Variants in TENM1 observed in about 807,000 individuals in gnomAD.
The protein encoded by TENM1 is teneurin transmembrane protein 1, also known as teneurin-1.
TENM1 carries 35 observed loss-of-function variants against 174.8 expected under a neutral mutation model. The ratio of observed to expected loss-of-function variants is 0.20; its 90% CI spans 0.15 to 0.27. The LOEUF (loss-of-function observed/expected upper bound fraction) is 0.27. Among genes scored for constraint, TENM1 ranks in the 10% least tolerant of loss-of-function variants. TENM1 has a pLI of 1.00. For missense variants in TENM1, 1,633 were observed against 2,130.1 expected (o/e 0.77, Z 4.59); for synonymous variants, 781 against 798.7 (o/e 0.98, Z 0.37).
At chrX:124,601,983 G>A (rs2050038231) in intron 11 of TENM1, among the ~76,000 whole-genome samples, 1 of 111,187 alleles carries the variant, frequency 9.0e-6, no homozygotes, top group South Asian at 3.8e-4. Flanking sequence ...AACTTCTGAA[G>A]TGTTAGAAAA....
exon 22 of TENM1, chrX:124,481,810 C>A: frequency 1.2e-5 from 15 of 1,204,815 alleles, no homozygotes; most frequent in Admixed American, 2.2e-5. Flanking sequence ...AGGCACTGAT[C>A]ACCAGTTCCT....
chrX:125,076,736 T>C, the TENM1 span, among the ~76,000 whole-genome samples: 2 of 111,897 alleles, frequency 1.8e-5, no homozygotes, highest in Non-Finnish European at 3.8e-5. Flanking sequence ...ATATTCAATC[T>C]TTTTTACCTT....
chrX:124,497,114 G>C (rs1374827867), exon 20 of TENM1: 1 of 1,210,341 alleles, frequency 8.3e-7, no homozygotes, highest in Admixed American at 2.2e-5. Context: ...CAGAAGCTAA[G>C]GCGACAGGAG....
At chrX:124,746,944 T>C (rs1455888783) in intron 3 of TENM1, among the ~76,000 whole-genome samples, 1 of 110,071 alleles carries the variant, frequency 9.1e-6, no homozygotes, top group African/African-American at 3.3e-5. Flanking sequence ...CCTGCCAACA[T>C]AGTGAAACCA....
At chrX:124,422,767 T>A (rs2060669499) in intron 23 of TENM1, 129 bp from the exon 27 acceptor site, 1 of 641,756 alleles carries the variant, frequency 1.6e-6, no homozygotes, top group South Asian at 3.0e-5. Flanking sequence ...ACATTGGTGA[T>A]GTCTCGGAAA....
At chrX:124,602,896 G>C (rs1039529398) in intron 11 of TENM1, among the ~76,000 whole-genome samples, 1 of 111,288 alleles carries the variant, frequency 9.0e-6, no homozygotes, top group Non-Finnish European at 1.9e-5. Flanking sequence ...TTTGAAAAAG[G>C]GTTTTTGCAA....
intron 27 of TENM1, among the ~76,000 whole-genome samples, chrX:124,402,519 A>C (rs2147662172): frequency 8.9e-6 from 1 of 112,542 alleles, no homozygotes; most frequent in South Asian, 3.7e-4. Flanking sequence ...TATGACAATT[A>C]GCTTCTCAGC....
intron 18 of TENM1, among the ~76,000 whole-genome samples, chrX:124,512,638 G>T (rs1279271350): frequency 9.2e-6 from 1 of 109,203 alleles, no homozygotes; most frequent in African/African-American, 3.3e-5. Flanking sequence ...ATTCACTCTG[G>T]TATTATCCCT....
intron 11 of TENM1, among the ~76,000 whole-genome samples, chrX:124,569,320 C>T (rs1602681573): frequency 8.9e-6 from 1 of 111,859 alleles, no homozygotes; most frequent in East Asian, 2.8e-4. Flanking sequence ...AGAGACTTTA[C>T]AGCCCCCCTC....
chrX:125,133,094 C>T, the TENM1 span, among the ~76,000 whole-genome samples: 1 of 111,022 alleles, frequency 9.0e-6, no homozygotes, highest in Non-Finnish European at 1.9e-5. Flanking sequence ...CCCGGGTTCA[C>T]ACCATTCTCC....
At chrX:124,690,454 A>T (rs750450094) in intron 5 of TENM1, among the ~76,000 whole-genome samples, 139 of 108,756 alleles carry the variant, frequency 1.3e-3, no homozygotes, top group African/African-American at 4.5e-3. Context: ...AAATAAAAAA[A>T]TTTTTAGATT....
At chrX:124,797,835 T>C (rs1196296889) in intron 3 of TENM1, among the ~76,000 whole-genome samples, 1 of 110,753 alleles carries the variant, frequency 9.0e-6, no homozygotes, top group Non-Finnish European at 1.9e-5. Flanking sequence ...GTCCTAATGC[T>C]CTCCCTCCCT....
rs766356619 is a variant in TENM1, at chrX:124,936,412, A to C, written c.217+27125T>G. On this transcript the variant is annotated intron_variant, in intron 1 of 31. Coordinates refer to ENST00000422452, the Ensembl canonical transcript of TENM1. ...GCTTAAAGATTACTTCCCTGGACAC[A>C]CTAAGTAGATCCCTAGCCTCACCCT... Among the ~76,000 whole-genome samples, 10 of 111,673 alleles carry C rather than the reference A, an allele frequency of 9.0e-5. No individual in the cohort carries two copies. In the South Asian group the frequency reaches 3.0e-3, roughly 34 times the overall value.
exon 27 of TENM1, chrX:124,405,217 G>A: frequency 8.3e-7 from 1 of 1,211,495 alleles, no homozygotes; most frequent in East Asian, 3.0e-5. Flanking sequence ...TGGCAAAAGT[G>A]ACACGCAGGG....
intron 22 of TENM1, 149 bp from the exon 26 acceptor site, chrX:124,453,640 G>A: frequency 2.3e-6 from 1 of 432,103 alleles, no homozygotes; most frequent in East Asian, 4.0e-5. Flanking sequence ...AGTAATGGGA[G>A]AGGTTTGTTG....
At chrX:125,119,466 C>T in the TENM1 span, among the ~76,000 whole-genome samples, 12 of 103,192 alleles carry the variant, frequency 1.2e-4, no homozygotes, top group Non-Finnish European at 1.9e-4. Flanking sequence ...TTTTTTTCAT[C>T]GTAATGGACC....
intron 5 of TENM1, among the ~76,000 whole-genome samples, chrX:124,691,901 C>T (rs766913106): frequency 4.3e-4 from 47 of 110,544 alleles, no homozygotes; most frequent in Middle Eastern, 9.5e-3. Flanking sequence ...TATAATTTTT[C>T]TTAGATATTT....
the TENM1 span, among the ~76,000 whole-genome samples, chrX:125,018,759 G>T: frequency 9.0e-6 from 1 of 111,006 alleles, no homozygotes; most frequent in Admixed American, 9.6e-5. Context: ...GCTTTATAAA[G>T]AATTACTTGA....
chrX:125,191,142 T>C, the TENM1 span, among the ~76,000 whole-genome samples: 1 of 111,958 alleles, frequency 8.9e-6, no homozygotes, highest in Non-Finnish European at 1.9e-5. Flanking sequence ...ATGAAGTTTT[T>C]TCTTTATTTC....
Sources: allele counts gnomAD v4.1 joint callset (sites outside exome capture counted in the v4.1 genomes callset), GRCh38; gene constraint gnomAD v4.1.1; transcripts MANE v1.5; gene names NCBI Gene and HGNC (gene_info 2026-07-23, HGNC 2026-07-21).